Variants in MAP3K13 observed in about 807,000 individuals in gnomAD.
MAP3K13 encodes leucine zipper-bearing kinase.
A neutral mutation model predicts 104.0 loss-of-function variants in MAP3K13; 52 were observed. The observed-to-expected ratio is 0.50, with a 90% CI of 0.40 to 0.63. The LOEUF (loss-of-function observed/expected upper bound fraction) is 0.63, where lower values mean the gene tolerates loss of function less well. Among genes scored for constraint, MAP3K13 ranks in the 20% least tolerant of loss-of-function variants. MAP3K13 has a pLI of 0.00. For missense variants in MAP3K13, 914 were observed against 1,218.5 expected (o/e 0.75, Z 3.72); for synonymous variants, 394 against 442.2 (o/e 0.89, Z 1.37).
chr3:185,400,456 C>T (rs1217303926), intron 1 of MAP3K13, among the ~76,000 whole-genome samples: 2 of 152,342 alleles, frequency 1.3e-5, no homozygotes, highest in African/African-American at 4.8e-5. Context: ...TGTTCATCTT[C>T]GCATCATCGT....
At position 185,428,911 on chromosome 3, in the gene MAP3K13, A is replaced by T; in HGVS notation, c.330A>T (p.Thr110=). The T allele has an allele frequency of 6.2e-7, 1 of 1,614,198 alleles. No homozygotes were observed. Among genetic ancestry groups the T allele is most frequent in the Non-Finnish European group, 8.5e-7 (1 of 1,180,042 alleles). ...GNSNTVDGES[T]SGTEDIKIQF... ...GCAACACGGTGGACGGAGAGAGCACAAGCGGAACTGAAGACATAAAGATTC... is the reference window on the plus strand; with the variant it reads ...GCAACACGGTGGACGGAGAGAGCACTAGCGGAACTGAAGACATAAAGATTC... The change falls in exon 2 of 14, where the codon ACA becomes ACT. Residue 110 remains threonine (T), a synonymous_variant. Coordinates refer to ENST00000265026, the MANE Select transcript of MAP3K13 (RefSeq NM_004721.5).
At chr3:185,303,501 T>C (rs1421742051) in intron 2 of MAP3K13, among the ~76,000 whole-genome samples, 1 of 152,104 alleles carries the variant, frequency 6.6e-6, no homozygotes, top group African/African-American at 2.4e-5. Flanking sequence ...CTCTCCTTAC[T>C]AGTTACAGGT....
chr3:185,319,577 G>A (rs1236447082), intron 2 of MAP3K13, among the ~76,000 whole-genome samples: 1 of 152,230 alleles, frequency 6.6e-6, no homozygotes, highest in Non-Finnish European at 1.5e-5. Flanking sequence ...TAGTGTGTGT[G>A]CCTGGGAGTA....
intron 2 of MAP3K13, among the ~76,000 whole-genome samples, chr3:185,325,794 G>A (rs1248357218): frequency 6.6e-6 from 1 of 152,286 alleles, no homozygotes; most frequent in East Asian, 1.9e-4. Context: ...TCTCCCCACA[G>A]TTACAGGGTC....
intron 1 of MAP3K13, among the ~76,000 whole-genome samples, chr3:185,396,834 A>T (rs1471767911): frequency 6.6e-6 from 1 of 152,158 alleles, no homozygotes; most frequent in Admixed American, 6.5e-5. Flanking sequence ...GTCTGGAGTG[A>T]CTGAAGGCAT....
chr3:185,297,061 C>G (rs989887757), intron 2 of MAP3K13, among the ~76,000 whole-genome samples: 4 of 152,166 alleles, frequency 2.6e-5, no homozygotes, highest in African/African-American at 9.7e-5. Context: ...TTCTCTGGCA[C>G]AGGTCACAGA....
chr3:185,476,378 C>T (rs1219559041), intron 11 of MAP3K13: 4 of 132,474 alleles, frequency 3.0e-5, no homozygotes, highest in Admixed American at 1.5e-4. Flanking sequence ...AAAAAAAAAG[C>T]ATATCAGAAT....
At chr3:185,353,922 A>G (rs1234993565) in intron 2 of MAP3K13, among the ~76,000 whole-genome samples, 2 of 151,192 alleles carry the variant, frequency 1.3e-5, no homozygotes, top group South Asian at 2.1e-4. Flanking sequence ...TGGTCATTCC[A>G]TCAAAGAGAA....
upstream of MAP3K13, among the ~76,000 whole-genome samples, chr3:185,361,129 C>G (rs536604857): frequency 7.2e-4 from 106 of 147,600 alleles, 3 homozygotes; most frequent in East Asian, 0.013. Context: ...TGTGTATACA[C>G]ACATATATAC....
intron 7 of MAP3K13, among the ~76,000 whole-genome samples, chr3:185,452,409 G>GT (rs1220854863): frequency 2.0e-5 from 3 of 151,668 alleles, no homozygotes; most frequent in East Asian, 1.9e-4. Context: ...TTTTGTTTTT[G>GT]TTTTTTTGGT....
intron 1 of MAP3K13, among the ~76,000 whole-genome samples, chr3:185,367,841 C>G (rs1215853527): frequency 6.6e-6 from 1 of 152,208 alleles, no homozygotes; most frequent in African/African-American, 2.4e-5. Context: ...AGTGATCCTC[C>G]TGCCTTGGCC....
At chr3:185,477,242 C>G (rs1296145576) in intron 11 of MAP3K13, 84 bp from the exon 12 acceptor site, 2 of 863,242 alleles carry the variant, frequency 2.3e-6, no homozygotes, top group Non-Finnish European at 3.9e-6. Flanking sequence ...ATGATAATTA[C>G]ATTTTTTACA....
At chr3:185,391,534 C>T (rs1243055872) in intron 1 of MAP3K13, among the ~76,000 whole-genome samples, 1 of 152,176 alleles carries the variant, frequency 6.6e-6, no homozygotes, top group Admixed American at 6.5e-5. Flanking sequence ...GAAAGGAACA[C>T]AGAAAGGACC....
chr3:185,301,978 A>T (rs531081420), intron 2 of MAP3K13, among the ~76,000 whole-genome samples: 195 of 151,632 alleles, frequency 1.3e-3, no homozygotes, highest in African/African-American at 4.0e-3. Context: ...TGAATTAAAA[A>T]TTTTTGTTTT....
At position 185,429,023 on chromosome 3, in the gene MAP3K13, G is replaced by A. The variant is rs1284953134; in HGVS notation, c.442G>A (p.Ala148Thr). The change falls in exon 2 of 14, where the codon GCA becomes ACA. Residue 148 changes from alanine (A) to threonine (T), a missense_variant. This residue lies in a region of MAP3K13 where 175 missense variants were observed against 321.3 expected (regional missense o/e 0.54). Transcript: ENST00000265026. ...LRPVWNIIGK[A>T]YSTDYKLQQQ... is the part of the protein sequence containing the mutation. ...GCCTGTATGGAATATCATTGGGAAG[G>A]CATATTCCACTGATTACAAATTGCA... 3 of 1,613,702 alleles carry A rather than the reference G, an allele frequency of 1.9e-6. No homozygotes were observed. Among genetic ancestry groups the A allele is most frequent in the East Asian group, 4.5e-5 (2 of 44,888 alleles).
chr3:185,348,296 A>G (rs909398796), intron 2 of MAP3K13, among the ~76,000 whole-genome samples: 1 of 152,186 alleles, frequency 6.6e-6, no homozygotes, highest in Non-Finnish European at 1.5e-5. Flanking sequence ...GAAGATGACC[A>G]TTTATTATGG....
At position 185,457,899 on chromosome 3, in the gene MAP3K13, C is replaced by G. The variant is rs1255987480; in HGVS notation, c.1279-5651C>G. Among the ~76,000 whole-genome samples the G allele has an allele frequency of 3.3e-5, 5 of 152,170 alleles. No individual in the cohort carries two copies. The East Asian group carries it at 9.6e-4, about 29-fold the overall frequency. ...ACCTTTAGTCTAAACTCCATCCTGT[C>G]ACTTCATACTGTGTGGTCTTGGCTA... is the stretch of plus-strand genomic sequence containing the variant. On this transcript the variant is annotated intron_variant, in intron 7 of 13. Coordinates refer to ENST00000265026, the MANE Select transcript of MAP3K13 (RefSeq NM_004721.5).
At chr3:185,455,679 G>T (rs1422524993) in intron 7 of MAP3K13, among the ~76,000 whole-genome samples, 1 of 10,854 alleles carries the variant, frequency 9.2e-5, no homozygotes, top group Non-Finnish European at 2.4e-4. Context: ...ATATATATAT[G>T]AGATATATAT....
chr3:185,470,611 A>C (rs1385552039), intron 10 of MAP3K13, among the ~76,000 whole-genome samples: 2 of 152,130 alleles, frequency 1.3e-5, no homozygotes, highest in Non-Finnish European at 2.9e-5. Flanking sequence ...AGTACTCACT[A>C]TAAACAAGAG....
Sources: gnomAD v4.1 joint callset for allele counts (sites outside exome capture counted in the v4.1 genomes callset) on GRCh38, gnomAD v4.1.1 for gene constraint, gnomAD v4.1.1 regional missense constraint, MANE v1.5 for transcripts, NCBI Gene and HGNC (gene_info 2026-07-23, HGNC 2026-07-21) for gene names.